Variants in MAGI2 observed in about 807,000 individuals in gnomAD.
MAGI2 encodes the protein membrane-associated guanylate kinase, WW and PDZ domain-containing protein 2.
In MAGI2, 35 loss-of-function variants were observed where a neutral mutation model predicts 133.3. The observed-to-expected ratio is 0.26, with a 90% CI of 0.20 to 0.35. The LOEUF is 0.35. Among genes scored for constraint, MAGI2 ranks in the 10% least tolerant of loss-of-function variants. MAGI2 has a pLI of 1.00. For missense variants in MAGI2, 1,636 were observed against 1,863.4 expected, an observed-to-expected ratio of 0.88 and a Z score of 2.25; for synonymous variants, 729 against 710.6, an observed-to-expected ratio of 1.03 and a Z score of -0.41.
chr7:78,838,574 G>A (rs933049937), intron 2 of MAGI2, among the ~76,000 whole-genome samples: 4 of 151,558 alleles, frequency 2.6e-5, no homozygotes, highest in Non-Finnish European at 4.4e-5. Flanking sequence ...TTAGTGATGT[G>A]TACTGTCAGA....
intron 2 of MAGI2, among the ~76,000 whole-genome samples, chr7:78,760,514 CA>C (rs2151298216): frequency 6.6e-6 from 1 of 152,140 alleles, no homozygotes; most frequent in African/African-American, 2.4e-5. Context: ...AGATATGCAC[CA>C]CCGTACCTGG....
chr7:78,641,824 T>C (rs921752628), intron 2 of MAGI2, among the ~76,000 whole-genome samples: 1 of 152,216 alleles, frequency 6.6e-6, no homozygotes, highest in African/African-American at 2.4e-5. Flanking sequence ...ATTGTTCTTA[T>C]GCAATCTTTG....
chr7:79,245,941 T>G (rs1444564216), intron 1 of MAGI2, among the ~76,000 whole-genome samples: 1 of 152,084 alleles, frequency 6.6e-6, no homozygotes, highest in Non-Finnish European at 1.5e-5. Flanking sequence ...GAGACTCCAT[T>G]TGTTTAACAG....
intron 1 of MAGI2, among the ~76,000 whole-genome samples, chr7:79,131,317 G>A (rs1288477897): frequency 1.3e-5 from 2 of 152,106 alleles, no homozygotes; most frequent in African/African-American, 2.4e-5. Flanking sequence ...AATCAACACA[G>A]GTTTCATCTA....
intron 1 of MAGI2, among the ~76,000 whole-genome samples, chr7:79,401,471 C>T (rs918932184): frequency 6.6e-6 from 1 of 152,120 alleles, no homozygotes; most frequent in Non-Finnish European, 1.5e-5. Context: ...TTTTCTAACA[C>T]GTTACTGTGC....
chr7:78,362,311 G>C (rs1314753126), intron 7 of MAGI2, among the ~76,000 whole-genome samples: 1 of 152,080 alleles, frequency 6.6e-6, no homozygotes, highest in African/African-American at 2.4e-5. Context: ...CAATAAATAA[G>C]TAAATAAGTA....
intron 1 of MAGI2, among the ~76,000 whole-genome samples, chr7:79,374,562 T>C (rs1472848044): frequency 6.6e-6 from 1 of 152,008 alleles, no homozygotes; most frequent in Admixed American, 6.6e-5. Flanking sequence ...ATGGTACTTT[T>C]ATGGCAGCCC....
chr7:79,170,766 C>T (rs943900649), intron 1 of MAGI2, among the ~76,000 whole-genome samples: 4 of 151,990 alleles, frequency 2.6e-5, no homozygotes, highest in Admixed American at 2.0e-4. Context: ...GATCTGTCAG[C>T]AGGTCAGCTG....
chr7:78,961,783 G>C (rs562216187), intron 2 of MAGI2, among the ~76,000 whole-genome samples: 3 of 152,056 alleles, frequency 2.0e-5, no homozygotes, highest in Admixed American at 2.0e-4. Flanking sequence ...TAACAAAGGG[G>C]ATATATCTGA....
chr7:79,169,928 T>C (rs1202257139), intron 1 of MAGI2, among the ~76,000 whole-genome samples: 2 of 151,878 alleles, frequency 1.3e-5, no homozygotes, highest in African/African-American at 4.8e-5. Context: ...TAAATACTCA[T>C]CAATTGTCTC....
chr7:79,002,282 C>A (rs963020290), intron 2 of MAGI2, among the ~76,000 whole-genome samples: 9 of 151,174 alleles, frequency 6.0e-5, no homozygotes, highest in African/African-American at 2.2e-4. Context: ...CCACCATGCC[C>A]GGCCAATTTT....
intron 6 of MAGI2, among the ~76,000 whole-genome samples, chr7:78,451,426 G>T (rs1034819211): frequency 6.6e-6 from 1 of 152,080 alleles, no homozygotes; most frequent in Non-Finnish European, 1.5e-5. Flanking sequence ...CTCCAAAGGG[G>T]TTTATAGTTC....
intron 1 of MAGI2, among the ~76,000 whole-genome samples, chr7:79,275,254 A>G (rs1835150595): frequency 6.6e-6 from 1 of 152,204 alleles, no homozygotes; most frequent in Non-Finnish European, 1.5e-5. Flanking sequence ...AAGAAAATTT[A>G]AAGTGCTACT....
chr7:78,366,914 C>T (rs114173155), intron 7 of MAGI2, among the ~76,000 whole-genome samples: 2,236 of 152,128 alleles, frequency 0.015, 50 homozygotes, highest in African/African-American at 0.051. Flanking sequence ...GAAAATTAAA[C>T]TATTTTGACC....
At chr7:79,126,883 T>C (rs945973732) in intron 1 of MAGI2, among the ~76,000 whole-genome samples, 1 of 152,008 alleles carries the variant, frequency 6.6e-6, no homozygotes, top group Non-Finnish European at 1.5e-5. Flanking sequence ...ATGTGCCATG[T>C]TGGTGTGCTG....
chr7:78,751,126 C>T (rs1207870), intron 2 of MAGI2, among the ~76,000 whole-genome samples: 41,944 of 152,004 alleles, frequency 0.28, 6,247 homozygotes, highest in South Asian at 0.47. Context: ...CCACTTGTTC[C>T]CTGATATATA....
intron 10 of MAGI2, among the ~76,000 whole-genome samples, chr7:78,215,550 T>A (rs971205475): frequency 6.6e-6 from 1 of 152,146 alleles, no homozygotes; most frequent in East Asian, 1.9e-4. Context: ...AGAGTGATGA[T>A]TTTTTGGGAA....
chr7:79,186,629 C>A (rs1444013205), intron 1 of MAGI2, among the ~76,000 whole-genome samples: 3 of 139,680 alleles, frequency 2.1e-5, no homozygotes, highest in Non-Finnish European at 4.5e-5. Flanking sequence ...AATGTATATA[C>A]TTTCGTATAA....
chr7:78,296,196 G>C (rs1015844170), intron 9 of MAGI2, among the ~76,000 whole-genome samples: 1 of 152,116 alleles, frequency 6.6e-6, no homozygotes, highest in African/African-American at 2.4e-5. Flanking sequence ...TCTGCTAAAT[G>C]ATTACTCATC....
Sources: allele counts gnomAD v4.1 joint callset (sites outside exome capture counted in the v4.1 genomes callset), GRCh38; gene constraint gnomAD v4.1.1; transcripts MANE v1.5; gene names NCBI Gene and HGNC (gene_info 2026-07-23, HGNC 2026-07-21).